VPS37A: variants seen among roughly 807,000 people sequenced by gnomAD.
VPS37A encodes VPS37A subunit of ESCRT-I, also known as vacuolar protein sorting-associated protein 37A.
A neutral mutation model predicts 49.8 loss-of-function variants in VPS37A; 30 were observed. The observed-to-expected ratio is 0.60, with a 90% CI of 0.45 to 0.82. The LOEUF (loss-of-function observed/expected upper bound fraction) is 0.82. Among genes scored for constraint, VPS37A ranks in the 40% least tolerant of loss-of-function variants. VPS37A has a pLI of 0.00. For missense variants in VPS37A, 593 were observed against 464.4 expected (o/e 1.28, Z -2.55); for synonymous variants, 195 against 160.6 (o/e 1.21, Z -1.62).
chr8:17,274,760 T>G lies in VPS37A; in HGVS notation c.444T>G (p.Ser148=). The G allele has an allele frequency of 6.2e-7, 1 of 1,614,178 alleles. No individual in the cohort carries two copies. Among genetic ancestry groups the G allele is most frequent in the Non-Finnish European group, 8.5e-7 (1 of 1,180,012 alleles). ...TATACAGTAACCCAAGTGGGATGTC[T>G]CCTTATGCTTCTCAGGGTTTTCCAT... is the stretch of plus-strand genomic sequence containing the variant. The part of the protein sequence containing the change: ...PYLYSNPSGM[S]PYASQGFPFL... Residue 148 remains serine (S), a synonymous_variant, in exon 5 of 12, where the codon TCT becomes TCG. Coordinates refer to ENST00000324849, the MANE Select transcript of VPS37A (RefSeq NM_152415.3).
At chr8:17,262,356 T>C (rs1822702933) in intron 1 of VPS37A, among the ~76,000 whole-genome samples, 1 of 152,204 alleles carries the variant, frequency 6.6e-6, no homozygotes, top group South Asian at 2.1e-4. Context: ...TTGTTTCCAT[T>C]TGGGGGACTA....
chr8:17,252,969 A>G (rs1812112625), intron 1 of VPS37A, among the ~76,000 whole-genome samples: 1 of 152,212 alleles, frequency 6.6e-6, no homozygotes, highest in Non-Finnish European at 1.5e-5. Flanking sequence ...ACTTTGACAC[A>G]TTAAATTATA....
intron 1 of VPS37A, among the ~76,000 whole-genome samples, chr8:17,257,145 G>A (rs1812539953): frequency 6.6e-6 from 1 of 152,050 alleles, no homozygotes. Context: ...TCAGCATATA[G>A]TTACCCAATT....
downstream of VPS37A, chr8:17,304,578 A>G (rs2150468497): frequency 6.5e-7 from 1 of 1,537,842 alleles, no homozygotes; most frequent in East Asian, 2.3e-5. Flanking sequence ...CACAGTAGAT[A>G]TGTTATATTA....
At chr8:17,305,678 T>C (rs1428453163), downstream of VPS37A, 4 of 1,314,752 alleles carry the variant, frequency 3.0e-6, no homozygotes, top group Non-Finnish European at 4.2e-6. Flanking sequence ...GTCTTCAAAA[T>C]TATGAAAGGC....
downstream of VPS37A, chr8:17,302,508 A>G (rs1035843629): frequency 1.1e-5 from 5 of 456,222 alleles, no homozygotes; most frequent in Non-Finnish European, 1.9e-5. Flanking sequence ...CTGCCTGTAT[A>G]TATGAATTAG....
chr8:17,304,485 G>C (rs1016535927), downstream of VPS37A: 4 of 1,613,890 alleles, frequency 2.5e-6, no homozygotes, highest in African/African-American at 5.3e-5. Context: ...TTCTTCCACA[G>C]GTGAGCCCAT....
intron 1 of VPS37A, chr8:17,248,023 C>T (rs1406206776): frequency 6.0e-6 from 3 of 501,602 alleles, no homozygotes; most frequent in East Asian, 3.8e-5. Flanking sequence ...CTGTTGTCTT[C>T]CTGTGAGTTT....
At chr8:17,281,692 G>T (rs1044597159) in intron 9 of VPS37A, among the ~76,000 whole-genome samples, 2 of 151,864 alleles carry the variant, frequency 1.3e-5, no homozygotes, top group Admixed American at 6.6e-5. Context: ...TGAAACAGTT[G>T]TTTACCAAAA....
At chr8:17,311,880 A>T in the VPS37A span, 3 of 502,942 alleles carry the variant, frequency 6.0e-6, no homozygotes, top group East Asian at 1.0e-4. Context: ...CAATAAGCGC[A>T]TGTACTTACT....
intron 1 of VPS37A, among the ~76,000 whole-genome samples, chr8:17,262,718 T>G (rs932231301): frequency 2.0e-5 from 3 of 151,926 alleles, no homozygotes; most frequent in African/African-American, 7.3e-5. Context: ...TAGTAGAAAA[T>G]AGCTTAAATA....
the VPS37A span, among the ~76,000 whole-genome samples, chr8:17,322,842 G>A: frequency 2.0e-5 from 3 of 151,902 alleles, no homozygotes; most frequent in Middle Eastern, 3.4e-3. Context: ...AAAAATATAT[G>A]TATGTGTGTG....
At chr8:17,306,443 G>A (rs1817460483), downstream of VPS37A, among the ~76,000 whole-genome samples, 4 of 151,660 alleles carry the variant, frequency 2.6e-5, no homozygotes. Context: ...CATTCCTAAA[G>A]CGGTTAAAGC....
downstream of VPS37A, chr8:17,302,402 C>A: frequency 9.0e-7 from 1 of 1,115,446 alleles, no homozygotes; most frequent in Non-Finnish European, 1.2e-6. Flanking sequence ...AAATTTCAGC[C>A]TCAAAAAAGC....
intron 6 of VPS37A, among the ~76,000 whole-genome samples, chr8:17,276,955 T>C (rs745343013): frequency 6.6e-6 from 1 of 152,140 alleles, no homozygotes; most frequent in Non-Finnish European, 1.5e-5. Flanking sequence ...CATGGAACTT[T>C]GCTTCTCTAA....
downstream of VPS37A, chr8:17,299,924 C>T (rs984771148): frequency 6.2e-7 from 1 of 1,614,052 alleles, no homozygotes; most frequent in African/African-American, 1.3e-5. Context: ...TCACTCGGTG[C>T]ATGCTCACCA....
At chr8:17,313,516 GAAGC>G in the VPS37A span, 211,314 of 620,326 alleles carry the variant, frequency 0.34, 38,563 homozygotes, top group South Asian at 0.54. Flanking sequence ...GTATTTTCTG[GAAGC>G]AAGCCTTAAG....
At chr8:17,268,778 T>C in intron 3 of VPS37A, 78 bp from the exon 4 acceptor site, 1 of 953,178 alleles carries the variant, frequency 1.0e-6, no homozygotes, top group South Asian at 1.5e-5. Context: ...AGTTAATATT[T>C]AGAGTGACAT....
At chr8:17,289,756 C>T (rs185871724) in intron 11 of VPS37A, among the ~76,000 whole-genome samples, 46 of 152,212 alleles carry the variant, frequency 3.0e-4, no homozygotes, top group African/African-American at 9.1e-4. Flanking sequence ...AATGGTAGCT[C>T]GATGGGAACA....
Sources: allele counts gnomAD v4.1 joint callset (sites outside exome capture counted in the v4.1 genomes callset), GRCh38; gene constraint gnomAD v4.1.1; transcripts MANE v1.5; gene names NCBI Gene and HGNC (gene_info 2026-07-23, HGNC 2026-07-21).